KYNU: variants seen among roughly 807,000 people sequenced by gnomAD.
KYNU encodes the protein kynureninase.
A neutral mutation model predicts 59.2 loss-of-function variants in KYNU; 54 were observed. The ratio of observed to expected loss-of-function variants is 0.91; its 90% CI spans 0.73 to 1.14. KYNU has a LOEUF of 1.14. Ranked by LOEUF, KYNU falls within the 50% of genes most tolerant of loss-of-function variation. The probability of loss-of-function intolerance (pLI) is 0.00; values close to 1 mark genes in which losing one functional copy is unlikely to be tolerated. For synonymous variants in KYNU, 177 were observed against 192.0 expected, an observed-to-expected ratio of 0.92 and a Z score of 0.65; for missense variants, 567 against 554.4, an observed-to-expected ratio of 1.02 and a Z score of -0.23.
chr2:142,883,977 A>G (rs1224257315), intron 1 of KYNU, among the ~76,000 whole-genome samples: 1 of 152,234 alleles, frequency 6.6e-6, no homozygotes, highest in Non-Finnish European at 1.5e-5. Context: ...ATGTAAATCT[A>G]ACTAGCCCAA....
intron 10 of KYNU, 123 bp from the exon 11 acceptor site, chr2:143,029,504 T>G: frequency 2.8e-6 from 2 of 702,478 alleles, no homozygotes; most frequent in Non-Finnish European, 5.2e-6. Context: ...AAGAATCGCT[T>G]GAACCCAAGA....
At chr2:142,949,441 T>C (rs1245819851) in intron 4 of KYNU, among the ~76,000 whole-genome samples, 1 of 152,234 alleles carries the variant, frequency 6.6e-6, no homozygotes, top group Non-Finnish European at 1.5e-5. Context: ...CATCCAGGCA[T>C]TTCCATACAT....
At chr2:142,934,421 A>G (rs1421402415) in intron 4 of KYNU, among the ~76,000 whole-genome samples, 1 of 152,094 alleles carries the variant, frequency 6.6e-6, no homozygotes, top group African/African-American at 2.4e-5. Flanking sequence ...GTTGGGTACT[A>G]TGGGGAACAT....
At chr2:142,880,619 A>G (rs535782935) in intron 1 of KYNU, among the ~76,000 whole-genome samples, 1 of 152,238 alleles carries the variant, frequency 6.6e-6, no homozygotes, top group Non-Finnish European at 1.5e-5. Flanking sequence ...CTGAATGAAT[A>G]AGCACATCCC....
At chr2:143,004,568 G>T (rs1447256633) in intron 10 of KYNU, among the ~76,000 whole-genome samples, 3 of 152,114 alleles carry the variant, frequency 2.0e-5, no homozygotes, top group Non-Finnish European at 2.9e-5. Context: ...AGAATTAGCT[G>T]CGTGTGGTGG....
intron 1 of KYNU, among the ~76,000 whole-genome samples, chr2:142,878,979 G>A (rs548030468): frequency 1.7e-4 from 26 of 152,242 alleles, no homozygotes; most frequent in African/African-American, 6.0e-4. Context: ...TATGTCCCCC[G>A]TCTTGATAAA....
chr2:142,915,717 C>T (rs1682645579), intron 2 of KYNU, among the ~76,000 whole-genome samples: 1 of 152,148 alleles, frequency 6.6e-6, no homozygotes, highest in Non-Finnish European at 1.5e-5. Flanking sequence ...GACTTAAGGA[C>T]TAACTGGAGC....
intron 4 of KYNU, among the ~76,000 whole-genome samples, chr2:142,939,786 G>A (rs1179979135): frequency 6.6e-6 from 1 of 152,054 alleles, no homozygotes; most frequent in African/African-American, 2.4e-5. Flanking sequence ...AACTATTATT[G>A]AAGAAAAGAA....
chr2:142,903,747 C>T (rs1682188125), intron 2 of KYNU, among the ~76,000 whole-genome samples: 1 of 152,182 alleles, frequency 6.6e-6, no homozygotes. Context: ...AGAGGACCTT[C>T]GTCCCCTGGG....
chr2:142,918,496 T>C (rs748763690), intron 2 of KYNU, 113 bp from the exon 3 acceptor site: 3 of 1,182,276 alleles, frequency 2.5e-6, no homozygotes, highest in Non-Finnish European at 3.5e-6. Context: ...AATTTTTAAT[T>C]ACTTTTTATC....
chr2:142,995,294 A>G (rs1198355467), intron 10 of KYNU, among the ~76,000 whole-genome samples: 1 of 152,092 alleles, frequency 6.6e-6, no homozygotes, highest in Admixed American at 6.6e-5. Flanking sequence ...CTTTTTTATG[A>G]CTATGCTTAT....
chr2:142,956,328 GTA>G, intron 6 of KYNU, 54 bp downstream of exon 6: 1 of 1,145,216 alleles, frequency 8.7e-7, no homozygotes, highest in East Asian at 2.4e-5. Flanking sequence ...CTAGAGCAGT[GTA>G]TCATTTGCCT....
chr2:142,960,532 C>T (rs1684306612), intron 7 of KYNU, 92 bp from the exon 8 acceptor site: 1 of 1,208,774 alleles, frequency 8.3e-7, no homozygotes, highest in South Asian at 1.4e-5. Flanking sequence ...TTTTATAATG[C>T]AAAAGGGCTC....
At chr2:142,898,134 C>T (rs1681943608) in intron 2 of KYNU, among the ~76,000 whole-genome samples, 1 of 152,190 alleles carries the variant, frequency 6.6e-6, no homozygotes, top group African/African-American at 2.4e-5. Flanking sequence ...CCCACCTTGG[C>T]CTCCCAAGGG....
chr2:143,016,605 A>G (rs1241439757), intron 10 of KYNU, among the ~76,000 whole-genome samples: 2 of 152,216 alleles, frequency 1.3e-5, no homozygotes, highest in Non-Finnish European at 1.5e-5. Context: ...GTTCAGTTAT[A>G]TGAACTGCTG....
At chr2:142,884,386 A>G (rs1299322360) in intron 1 of KYNU, among the ~76,000 whole-genome samples, 2 of 152,234 alleles carry the variant, frequency 1.3e-5, no homozygotes, top group Admixed American at 6.5e-5. Flanking sequence ...TTTTAAAACC[A>G]TGATCCAAGA....
chr2:143,038,940 C>T (rs907778924), intron 12 of KYNU, among the ~76,000 whole-genome samples: 4 of 152,142 alleles, frequency 2.6e-5, no homozygotes, highest in Non-Finnish European at 4.4e-5. Context: ...CAGTGCATCA[C>T]GCTCTGTTTG....
At chr2:142,923,777 A>C (rs1161235387) in intron 3 of KYNU, among the ~76,000 whole-genome samples, 1 of 152,204 alleles carries the variant, frequency 6.6e-6, no homozygotes, top group Non-Finnish European at 1.5e-5. Flanking sequence ...TAAGAGCAAA[A>C]ACCTACTACA....
chr2:142,944,673 T>TA (rs1044569702), intron 4 of KYNU, among the ~76,000 whole-genome samples: 6 of 150,122 alleles, frequency 4.0e-5, no homozygotes, highest in African/African-American at 9.8e-5. Flanking sequence ...GGTTAACTTT[T>TA]AAAAAAAAAA....
Sources: gnomAD v4.1 joint callset for allele counts (sites outside exome capture counted in the v4.1 genomes callset) on GRCh38, gnomAD v4.1.1 for gene constraint, MANE v1.5 for transcripts, NCBI Gene and HGNC (gene_info 2026-07-23, HGNC 2026-07-21) for gene names.